LOC400499: variants seen among roughly 807,000 people sequenced by gnomAD.
the LOC400499 span, among the ~76,000 whole-genome samples, chr16:11,375,329 TTG>T: frequency 0.12 from 13,124 of 106,656 alleles, 1,554 homozygotes; most frequent in Non-Finnish European, 0.16. Context: ...TTTTTTTTTT[TTG>T]GAGACAGAGT....
At chr16:11,402,800 G>T in the LOC400499 span, among the ~76,000 whole-genome samples, 3 of 152,244 alleles carry the variant, frequency 2.0e-5, no homozygotes, top group East Asian at 1.9e-4. Flanking sequence ...GCTTTATGCC[G>T]CTGAGTTTCG....
chr16:11,495,213 A>G, the LOC400499 span, among the ~76,000 whole-genome samples: 1 of 128,728 alleles, frequency 7.8e-6, no homozygotes, highest in South Asian at 2.2e-4. Flanking sequence ...TGTCTCCAAA[A>G]AAAAAAAAAA....
chr16:11,417,251 G>C, the LOC400499 span, among the ~76,000 whole-genome samples: 1 of 152,236 alleles, frequency 6.6e-6, no homozygotes, highest in East Asian at 1.9e-4. Context: ...TTTTGAGACA[G>C]GGTCTCATTC....
At chr16:11,411,967 A>ATCC in the LOC400499 span, among the ~76,000 whole-genome samples, 1 of 150,850 alleles carries the variant, frequency 6.6e-6, no homozygotes, top group Non-Finnish European at 1.5e-5. Context: ...GACTCAAGTG[A>ATCC]TCCTCCTGCC....
the LOC400499 span, among the ~76,000 whole-genome samples, chr16:11,489,668 T>G: frequency 6.6e-6 from 1 of 151,998 alleles, no homozygotes; most frequent in Non-Finnish European, 1.5e-5. Flanking sequence ...ATATATCAGG[T>G]GGTACCCCAG....
At chr16:11,383,658 G>A in the LOC400499 span, 2 of 1,232,258 alleles carry the variant, frequency 1.6e-6, no homozygotes, top group Non-Finnish European at 2.0e-6. Flanking sequence ...GTGGAGGAGG[G>A]GCCAGGGGTA....
the LOC400499 span, among the ~76,000 whole-genome samples, chr16:11,415,391 G>T: frequency 3.4e-3 from 522 of 152,320 alleles, no homozygotes; most frequent in African/African-American, 0.012. Flanking sequence ...CTCCCATCTG[G>T]CCAGCAGGGT....
the LOC400499 span, among the ~76,000 whole-genome samples, chr16:11,491,056 C>A: frequency 1.1e-4 from 17 of 152,272 alleles, no homozygotes; most frequent in African/African-American, 4.1e-4. Context: ...ATTTTATGCT[C>A]ACAACACTCT....
At chr16:11,507,420 G>A in the LOC400499 span, among the ~76,000 whole-genome samples, 1 of 152,178 alleles carries the variant, frequency 6.6e-6, no homozygotes, top group East Asian at 1.9e-4. Context: ...CCCAGGGCGA[G>A]AAACCCTGCT....
At chr16:11,401,188 G>A in the LOC400499 span, 4 of 398,596 alleles carry the variant, frequency 1.0e-5, no homozygotes, top group African/African-American at 4.1e-5. Context: ...CCTACCAGAG[G>A]TGCCCAGCCC....
chr16:11,408,986 T>G, the LOC400499 span, among the ~76,000 whole-genome samples: 2 of 152,172 alleles, frequency 1.3e-5, no homozygotes, highest in East Asian at 3.9e-4. Context: ...GGGGGCCAGA[T>G]GCAGTGACTC....
the LOC400499 span, chr16:11,390,391 C>G: frequency 1.6e-6 from 2 of 1,239,788 alleles, no homozygotes; most frequent in South Asian, 4.0e-5. Context: ...CTCCTCTGCT[C>G]GCTCCCGCCA....
At chr16:11,397,360 G>A in the LOC400499 span, among the ~76,000 whole-genome samples, 5 of 152,084 alleles carry the variant, frequency 3.3e-5, no homozygotes, top group Non-Finnish European at 7.4e-5. Flanking sequence ...TGCAACCTCC[G>A]CCTCCCAGGT....
the LOC400499 span, among the ~76,000 whole-genome samples, chr16:11,377,772 C>G: frequency 1.3e-5 from 2 of 152,162 alleles, no homozygotes; most frequent in Admixed American, 6.5e-5. Flanking sequence ...TCCTCTGGTG[C>G]TTTGTCTGCC....
the LOC400499 span, chr16:11,414,237 C>T: frequency 2.5e-6 from 1 of 398,664 alleles, no homozygotes; most frequent in Non-Finnish European, 4.4e-6. Context: ...AAACCCAAGG[C>T]CTGGTCCTCC....
At chr16:11,462,112 C>A in the LOC400499 span, 1 of 1,490,238 alleles carries the variant, frequency 6.7e-7, no homozygotes, top group Admixed American at 2.2e-5. Context: ...GGTCTCATCT[C>A]CTACCTGTCA....
chr16:11,432,286 A>G, the LOC400499 span, among the ~76,000 whole-genome samples: 1 of 152,240 alleles, frequency 6.6e-6, no homozygotes, highest in African/African-American at 2.4e-5. Context: ...CAGAATCGTG[A>G]GCAAACAAAA....
At chr16:11,487,258 T>C in the LOC400499 span, 3 of 398,738 alleles carry the variant, frequency 7.5e-6, no homozygotes, top group South Asian at 1.3e-4. Flanking sequence ...GGCTCCCCTC[T>C]AACCTCCAGA....
At chr16:11,515,140 T>C in the LOC400499 span, among the ~76,000 whole-genome samples, 1 of 152,034 alleles carries the variant, frequency 6.6e-6, no homozygotes, top group Non-Finnish European at 1.5e-5. Flanking sequence ...ACATTATCTC[T>C]ACTAAAATTT....
Sources: gnomAD v4.1 joint callset for allele counts (sites outside exome capture counted in the v4.1 genomes callset) on GRCh38, gnomAD v4.1.1 for gene constraint, MANE v1.5 for transcripts.